Variants in PSD3 observed in about 807,000 individuals in gnomAD.
PSD3 encodes the protein pleckstrin and Sec7 domain containing 3, also known as PH and SEC7 domain-containing protein 3.
PSD3 carries 49 observed loss-of-function variants against 105.5 expected under a neutral mutation model. The observed-to-expected ratio is 0.46, with a 90% CI of 0.37 to 0.59. PSD3 has a LOEUF of 0.59. Among genes scored for constraint, PSD3 ranks in the 20% least tolerant of loss-of-function variants. The pLI, the probability that PSD3 is intolerant of heterozygous loss-of-function variation, is 0.00. For missense variants in PSD3, 1,561 were observed against 1,263.8 expected, an observed-to-expected ratio of 1.24 and a Z score of -3.57; for synonymous variants, 557 against 457.8, an observed-to-expected ratio of 1.22 and a Z score of -2.77.
chr8:18,572,399 GA>G (rs1401141377), intron 14 of PSD3, 128 bp downstream of exon 14: 60 of 1,120,600 alleles, frequency 5.4e-5, no homozygotes, highest in Non-Finnish European at 7.2e-5. Flanking sequence ...TCATTTATAT[GA>G]TACGCTCTCA....
Position 18,534,201 on chromosome 8 carries a change from T to C in PSD3, c.*1542A>G, listed in dbSNP as rs1363222143. On this transcript the variant is annotated 3_prime_UTR_variant, in exon 16 of 16. Coordinates refer to ENST00000327040, the MANE Select transcript of PSD3 (RefSeq NM_015310.4). ...GTCATAGTACCTTCAACAAATAAAC[T>C]ATAGAACTAGAGAAACTTTCTAAGG... The C allele has an allele frequency of 6.6e-6, 1 of 152,522 alleles. No homozygotes were observed. The highest frequency in any genetic ancestry group is 1.5e-5 in the Non-Finnish European group (1 of 68,020). The allele number at this position is 152,522 out of a possible 1,614,324, so 9.4% of individuals were successfully genotyped here.
chr8:19,025,814 C>T (rs2129476032), intron 1 of PSD3, among the ~76,000 whole-genome samples: 1 of 152,280 alleles, frequency 6.6e-6, no homozygotes, highest in East Asian at 1.9e-4. Flanking sequence ...GGTAAAAACC[C>T]ATACATTTAG....
At chr8:18,724,843 G>A (rs543125131) in intron 9 of PSD3, among the ~76,000 whole-genome samples, 14 of 152,172 alleles carry the variant, frequency 9.2e-5, no homozygotes, top group South Asian at 4.2e-4. Flanking sequence ...AACAGTCTGC[G>A]TCCCTGGATA....
chr8:18,565,988 C>T (rs1166823872), intron 14 of PSD3, among the ~76,000 whole-genome samples: 4 of 152,028 alleles, frequency 2.6e-5, no homozygotes, highest in Non-Finnish European at 5.9e-5. Flanking sequence ...CTGCTGCGCT[C>T]GAATATGCCT....
At chr8:18,577,834 T>C (rs1345098553) in intron 12 of PSD3, among the ~76,000 whole-genome samples, 3 of 152,100 alleles carry the variant, frequency 2.0e-5, no homozygotes, top group Non-Finnish European at 2.9e-5. Flanking sequence ...CCCTCATAGA[T>C]TTAACTGCAT....
At position 18,932,412 on chromosome 8, in the gene PSD3, G is replaced by A. The variant is rs112252127; in HGVS notation, c.130+3622C>T. Among the ~76,000 whole-genome samples the A allele has an allele frequency of 1.6e-3, 251 of 152,302 alleles. 2 individuals carry two copies. The highest frequency in any genetic ancestry group is 5.8e-3 in the African/African-American group (241 of 41,562). On this transcript the variant is annotated intron_variant, in intron 2 of 15. Transcript: ENST00000327040. ...AACACACACAAACTCTAAAAAGCAA[G>A]TTTAGGACAATTTATGAAGTTCTAC... is the stretch of plus-strand genomic sequence containing the variant.
chr8:18,979,005 G>C (rs1825105651), intron 1 of PSD3, among the ~76,000 whole-genome samples: 1 of 152,158 alleles, frequency 6.6e-6, no homozygotes, highest in Non-Finnish European at 1.5e-5. Context: ...TCCTTCTGGA[G>C]TTCGCTATAT....
At chr8:18,846,510 C>G (rs1382981465) in intron 4 of PSD3, among the ~76,000 whole-genome samples, 4 of 152,186 alleles carry the variant, frequency 2.6e-5, no homozygotes, top group African/African-American at 9.7e-5. Context: ...TGGGGAAACT[C>G]ACACCAGGAA....
At chr8:19,068,934 C>A (rs76532370) in intron 1 of PSD3, among the ~76,000 whole-genome samples, 6,564 of 152,040 alleles carry the variant, frequency 0.043, 180 homozygotes, top group African/African-American at 0.075. Context: ...TCCAGCAAGT[C>A]CCTTCTACCA....
intron 10 of PSD3, among the ~76,000 whole-genome samples, chr8:18,653,210 G>GA (rs1180877680): frequency 1.3e-5 from 2 of 152,014 alleles, no homozygotes; most frequent in African/African-American, 2.4e-5. Context: ...ATTAGAACTA[G>GA]AAAAAATACT....
chr8:18,974,284 G>C (rs1824808237), intron 1 of PSD3, among the ~76,000 whole-genome samples: 1 of 152,186 alleles, frequency 6.6e-6, no homozygotes. Context: ...GTGGGGAACA[G>C]GATTCAAACC....
At chr8:18,564,950 A>T (rs1486780448) in intron 14 of PSD3, among the ~76,000 whole-genome samples, 1 of 152,186 alleles carries the variant, frequency 6.6e-6, no homozygotes, top group African/African-American at 2.4e-5. Context: ...CTTTTATAAG[A>T]CAATGGTTGG....
intron 4 of PSD3, among the ~76,000 whole-genome samples, chr8:18,828,381 A>G (rs1477884595): frequency 6.6e-6 from 1 of 152,122 alleles, no homozygotes; most frequent in African/African-American, 2.4e-5. Context: ...AACATTCAAG[A>G]CTCAAGTTCA....
chr8:18,854,618 G>T lies in PSD3; in HGVS notation c.1634+13056C>A, dbSNP rs376146626. ...AAGTTTTTTGAACAACTATTTTATA[G>T]ACTGCAATTTCCTACAGCACACACA... On this transcript the variant is annotated intron_variant, in intron 4 of 15. Coordinates refer to ENST00000327040, the MANE Select transcript of PSD3 (RefSeq NM_015310.4). Among the ~76,000 whole-genome samples the T allele has an allele frequency of 7.7e-4, 118 of 152,278 alleles. 2 individuals carry two copies. The South Asian group carries it at 0.024, about 31-fold the overall frequency.
At chr8:18,695,655 T>C (rs1801216889) in intron 9 of PSD3, among the ~76,000 whole-genome samples, 1 of 152,228 alleles carries the variant, frequency 6.6e-6, no homozygotes, top group Non-Finnish European at 1.5e-5. Context: ...TTAAACTTCT[T>C]GAGGACACCA....
At chr8:18,588,197 G>C (rs1803337363) in intron 12 of PSD3, among the ~76,000 whole-genome samples, 1 of 152,114 alleles carries the variant, frequency 6.6e-6, no homozygotes, top group East Asian at 1.9e-4. Flanking sequence ...TGCCCATAAG[G>C]TCTTCCTTCT....
chr8:18,935,910 G>A lies in PSD3; in HGVS notation c.130+124C>T, dbSNP rs1822094450. The stretch of plus-strand genomic sequence containing the variant: ...TACATCTTGGGAAGATTGTTTTGAT[G>A]AATAATTAGGGAAAGCAGGTTTCAC... On this transcript the variant is annotated intron_variant, in intron 2 of 15. Coordinates refer to ENST00000327040, the MANE Select transcript of PSD3 (RefSeq NM_015310.4). 6.7e-6 allele frequency: 4 copies of A among 596,804 alleles called. No individual in the cohort carries two copies. In the Admixed American group the frequency reaches 7.6e-5, roughly 11 times the overall value. 37.0% of individuals were successfully genotyped at this position (596,804 alleles called of 1,614,324 possible).
At chr8:18,668,332 C>G (rs554357221) in intron 9 of PSD3, among the ~76,000 whole-genome samples, 32 of 152,336 alleles carry the variant, frequency 2.1e-4, no homozygotes, top group African/African-American at 7.0e-4. Flanking sequence ...TATAGACAAA[C>G]TTCTGAATAT....
At chr8:18,841,884 T>TA (rs564594190) in intron 4 of PSD3, among the ~76,000 whole-genome samples, 72 of 152,076 alleles carry the variant, frequency 4.7e-4, no homozygotes, top group Non-Finnish European at 9.0e-4. Context: ...TTAAAGACTT[T>TA]AAAAAAAACT....
Sources: gnomAD v4.1 joint callset for allele counts (sites outside exome capture counted in the v4.1 genomes callset) on GRCh38, gnomAD v4.1.1 for gene constraint, MANE v1.5 for transcripts, NCBI Gene and HGNC (gene_info 2026-07-23, HGNC 2026-07-21) for gene names.